Variants in SRRM4 observed in about 807,000 individuals in gnomAD.
SRRM4 encodes the protein serine/arginine repetitive matrix protein 4.
A neutral mutation model predicts 68.9 loss-of-function variants in SRRM4; 33 were observed. That is an observed-to-expected ratio of 0.48 (90% CI 0.36 to 0.64). SRRM4 has a LOEUF of 0.64. Ranked by LOEUF, SRRM4 falls within the 30% of genes least tolerant of loss-of-function variation. SRRM4 has a pLI of 0.00. For synonymous variants in SRRM4, 318 were observed against 318.8 expected, an observed-to-expected ratio of 1.00 and a Z score of 0.03; for missense variants, 817 against 827.1, an observed-to-expected ratio of 0.99 and a Z score of 0.15.
Position 119,154,170 on chromosome 12 carries a change from T to C in SRRM4, c.1392-73T>C. ...AGTGGGGTGGGAAAGAAAGGGAGTG[T>C]CCCTCTCCCACGCGCTCACGCAGAA... On this transcript the variant is annotated intron_variant, in intron 11 of 12. Transcript: ENST00000267260. This position sits in a 1 kb window ranked among gnomAD's most constrained non-coding sequence, Gnocchi z 4.7. The C allele has an allele frequency of 1.5e-6, 2 of 1,373,924 alleles. No individual in the cohort carries two copies. Among genetic ancestry groups the C allele is most frequent in the Non-Finnish European group, 2.0e-6 (2 of 992,100 alleles). 85.1% of individuals were successfully genotyped at this position (1,373,924 alleles called of 1,614,324 possible).
intron 1 of SRRM4, among the ~76,000 whole-genome samples, chr12:119,011,434 A>G (rs1327904902): frequency 6.6e-6 from 1 of 152,150 alleles, no homozygotes; most frequent in African/African-American, 2.4e-5. Context: ...TTGGGCTGTG[A>G]CAATCAAACA....
At chr12:119,018,677 A>G (rs991155910) in intron 1 of SRRM4, among the ~76,000 whole-genome samples, 1 of 152,236 alleles carries the variant, frequency 6.6e-6, no homozygotes, top group African/African-American at 2.4e-5. Context: ...AAGAAAAAGA[A>G]CAGGAAGAAA....
chr12:118,995,240 G>A (rs1296862904), intron 1 of SRRM4, among the ~76,000 whole-genome samples: 1 of 152,182 alleles, frequency 6.6e-6, no homozygotes, highest in Non-Finnish European at 1.5e-5. Context: ...TTCTGTAGAT[G>A]AGAAAATTAA....
chr12:119,120,395 C>T lies in SRRM4; in HGVS notation c.464+119C>T, dbSNP rs1954211874. On this transcript the variant is annotated intron_variant, in intron 5 of 12. Coordinates refer to ENST00000267260, the MANE Select transcript of SRRM4 (RefSeq NM_194286.4). ...CTCTTAGGCATGACCCCTTCATCTT[C>T]CTGGGCCTCAGTTTCCTCCAAAATG... The T allele has an allele frequency of 2.8e-6, 3 of 1,067,640 alleles. No homozygotes were observed. The African/African-American group carries it at 4.8e-5, about 17-fold the overall frequency. 66.1% of individuals were successfully genotyped at this position (1,067,640 alleles called of 1,614,324 possible).
chr12:119,124,474 C>T (rs1212786612), intron 6 of SRRM4: 2 of 152,184 alleles, frequency 1.3e-5, no homozygotes, highest in African/African-American at 2.4e-5. Context: ...GTTGAGATAA[C>T]CAAGTTACCT....
intron 2 of SRRM4, 89 bp downstream of exon 2, chr12:119,102,471 C>A: frequency 1.0e-6 from 1 of 995,994 alleles, no homozygotes; most frequent in Non-Finnish European, 1.5e-6. Flanking sequence ...ATGCAAGTTC[C>A]TCTTTCAAAC....
rs777956059 is a variant in SRRM4, at chr12:119,120,246, T to G, written c.438-4T>G. The G allele has an allele frequency of 6.5e-7, 1 of 1,546,190 alleles. No individual in the cohort carries two copies. The highest frequency in any genetic ancestry group is 1.4e-5 in the African/African-American group (1 of 72,792). Reference sequence around the variant, plus strand: ...TTTCATTTTTTTTCTTTCTTTCTTTTCAGGTCATTCTCCAAGAAGAGAAGG... The same window carrying G: ...TTTCATTTTTTTTCTTTCTTTCTTTGCAGGTCATTCTCCAAGAAGAGAAGG... On this transcript the variant is annotated splice_polypyrimidine_tract_variant and splice_region_variant and intron_variant, in intron 4 of 12. Coordinates refer to ENST00000267260, the MANE Select transcript of SRRM4 (RefSeq NM_194286.4).
At chr12:119,155,597 G>A (rs186871740) in intron 12 of SRRM4, among the ~76,000 whole-genome samples, 1 of 152,184 alleles carries the variant, frequency 6.6e-6, no homozygotes, top group Non-Finnish European at 1.5e-5. Context: ...AGCCAGGCAT[G>A]GTGGTGTGCA....
intron 1 of SRRM4, among the ~76,000 whole-genome samples, chr12:118,995,972 C>T (rs1594018736): frequency 6.6e-6 from 1 of 152,164 alleles, no homozygotes; most frequent in African/African-American, 2.4e-5. Context: ...TTCATCCATT[C>T]TACAACTATT....
chr12:119,148,376 T>C (rs896698563), intron 9 of SRRM4, among the ~76,000 whole-genome samples: 1 of 152,166 alleles, frequency 6.6e-6, no homozygotes, highest in Non-Finnish European at 1.5e-5. Context: ...CCAATGTCAG[T>C]GTCTCCAAGA....
chr12:119,144,829 C>T (rs1203440219), intron 8 of SRRM4, among the ~76,000 whole-genome samples: 1 of 151,856 alleles, frequency 6.6e-6, no homozygotes, highest in African/African-American at 2.4e-5. Flanking sequence ...TTTCTTTTCC[C>T]CATGTGATAT....
chr12:119,102,453 C>T (rs1448789971), intron 2 of SRRM4, 71 bp downstream of exon 2: 5 of 1,252,160 alleles, frequency 4.0e-6, no homozygotes, highest in Admixed American at 4.9e-5. Context: ...ATGGCTCACC[C>T]CTCTCTTATG....
At chr12:119,045,558 A>G (rs951908914) in intron 1 of SRRM4, among the ~76,000 whole-genome samples, 3 of 148,230 alleles carry the variant, frequency 2.0e-5, no homozygotes, top group African/African-American at 7.5e-5. Flanking sequence ...ACAGAAGCCA[A>G]CTCCATGTGG....
At chr12:118,994,593 A>G (rs1953337861) in intron 1 of SRRM4, among the ~76,000 whole-genome samples, 2 of 152,286 alleles carry the variant, frequency 1.3e-5, no homozygotes, top group Non-Finnish European at 2.9e-5. Flanking sequence ...GTCAGTTCTG[A>G]CGCATGCCAA....
At chr12:119,025,010 A>G (rs1393341141) in intron 1 of SRRM4, among the ~76,000 whole-genome samples, 2 of 152,102 alleles carry the variant, frequency 1.3e-5, no homozygotes, top group African/African-American at 4.8e-5. Context: ...GTGGGGAAGC[A>G]CTCAAGTCAG....
chr12:119,075,590 ATGATGATGATGT>A (rs1427597396), intron 1 of SRRM4, among the ~76,000 whole-genome samples: 2 of 146,668 alleles, frequency 1.4e-5, no homozygotes, highest in Non-Finnish European at 3.0e-5. Flanking sequence ...GGTGATGATG[ATGATGATGATGT>A]TGATGATGGT....
intron 8 of SRRM4, among the ~76,000 whole-genome samples, chr12:119,131,382 C>A (rs1565915884): frequency 1.3e-5 from 2 of 152,296 alleles, no homozygotes; most frequent in South Asian, 2.1e-4. Flanking sequence ...CACACAAGGT[C>A]TTGGGAGTTG....
intron 2 of SRRM4, among the ~76,000 whole-genome samples, chr12:119,104,020 A>C (rs1275566357): frequency 6.6e-6 from 1 of 152,140 alleles, no homozygotes; most frequent in Non-Finnish European, 1.5e-5. Flanking sequence ...AAAATAAAAA[A>C]TATTGTCTCC....
chr12:119,092,374 A>C (rs1450888082), intron 1 of SRRM4, among the ~76,000 whole-genome samples: 1 of 152,090 alleles, frequency 6.6e-6, no homozygotes, highest in Non-Finnish European at 1.5e-5. Context: ...TTGCCATCTC[A>C]ACATAGATGT....
Sources: gnomAD v4.1 joint callset for allele counts (sites outside exome capture counted in the v4.1 genomes callset) on GRCh38, gnomAD v4.1.1 for gene constraint, Gnocchi (gnomAD v3.1) non-coding constraint, MANE v1.5 for transcripts, NCBI Gene and HGNC (gene_info 2026-07-23, HGNC 2026-07-21) for gene names.